Variants in REPS2 observed in about 807,000 individuals in gnomAD.
REPS2 encodes ralBP1-associated Eps domain-containing protein 2.
A neutral mutation model predicts 53.6 loss-of-function variants in REPS2; 23 were observed. The ratio of observed to expected loss-of-function variants is 0.43; its 90% CI spans 0.31 to 0.61. REPS2 has a LOEUF of 0.61. REPS2 is among the 20% of genes least tolerant of loss of function. The pLI is 0.11. For missense variants in REPS2, 446 were observed against 534.9 expected, an observed-to-expected ratio of 0.83 and a Z score of 1.64; for synonymous variants, 238 against 218.6, an observed-to-expected ratio of 1.09 and a Z score of -0.78.
In REPS2 at chrX:16,946,893, C is replaced by T; in HGVS notation, c.32C>T (p.Ala11Val). Reference protein sequence around the residue: MEAAAAAAAAAAAAAAAGGGC... With the variant: MEAAAAAAAAVAAAAAAGGGC... ...GCGGCAGCGGCGGCGGCGGCGGCGGCAGCGGCAGCGGCAGCGGCGGGCGGG... is the reference window on the plus strand; with the variant it reads ...GCGGCAGCGGCGGCGGCGGCGGCGGTAGCGGCAGCGGCAGCGGCGGGCGGG... The change falls in exon 1 of 18, where the codon GCA becomes GTA. Residue 11 changes from alanine to valine, a missense_variant. Transcript: ENST00000357277. The T allele has an allele frequency of 7.8e-6, 6 of 773,525 alleles. No individual in the cohort carries two copies. The highest frequency in any genetic ancestry group is 9.2e-6 in the Non-Finnish European group (6 of 655,040). The allele number at this position is 773,525 out of a possible 1,213,427, so 63.7% of individuals were successfully genotyped here. A position where few individuals can be genotyped will look rare whatever the true frequency, so the allele number is the denominator to read the frequency against.
intron 1 of REPS2, among the ~76,000 whole-genome samples, chrX:16,962,683 G>A (rs1202667398): frequency 8.9e-6 from 1 of 111,852 alleles, no homozygotes; most frequent in Admixed American, 9.5e-5. Flanking sequence ...TCCCCACAAA[G>A]GTAACTATGG....
At chrX:17,050,317 G>A (rs1250468146) in intron 6 of REPS2, among the ~76,000 whole-genome samples, 1 of 101,927 alleles carries the variant, frequency 9.8e-6, no homozygotes, top group African/African-American at 3.7e-5. Context: ...AGCCTCCCTA[G>A]TAGCTGGGAC....
chrX:16,991,886 A>T (rs1404653029), intron 1 of REPS2, among the ~76,000 whole-genome samples: 1 of 111,278 alleles, frequency 9.0e-6, no homozygotes, highest in African/African-American at 3.3e-5. Flanking sequence ...CATGGAGCTG[A>T]TTCTCCCTCA....
At chrX:17,077,230 C>T (rs904579926) in intron 12 of REPS2, 41 bp from the exon 13 acceptor site, 2 of 1,132,756 alleles carry the variant, frequency 1.8e-6, no homozygotes, top group Admixed American at 5.9e-5. Flanking sequence ...GAGAGTAAAG[C>T]TTTGCTATTT....
chrX:17,129,795 A>G (rs979603680), intron 14 of REPS2, among the ~76,000 whole-genome samples: 1 of 111,992 alleles, frequency 8.9e-6, no homozygotes, highest in African/African-American at 3.2e-5. Flanking sequence ...ATCTCCTTGG[A>G]TATTTCCACA....
At position 16,975,478 on chromosome X, in the gene REPS2, G is replaced by GT. The variant is rs1348713663; in HGVS notation, c.273+28353dup. ...TTCTCTAATGATCAGTGATGTTGTGGTTTTTTTTTCATCTGCTCGTTAGCC... is the reference window on the plus strand; with the variant it reads ...TTCTCTAATGATCAGTGATGTTGTGGTTTTTTTTTTCATCTGCTCGTTAGCC... On this transcript the variant is annotated intron_variant, in intron 1 of 17. Transcript: ENST00000357277. Among the ~76,000 whole-genome samples the GT allele has an allele frequency of 8.2e-5, 9 of 109,095 alleles. No individual in the cohort carries two copies. In the East Asian group the frequency reaches 1.7e-3, roughly 21 times the overall value. 94.7% of individuals were successfully genotyped at this position (109,095 alleles called of 115,157 possible).
At chrX:16,968,391 G>T (rs2060806489) in intron 1 of REPS2, among the ~76,000 whole-genome samples, 1 of 112,005 alleles carries the variant, frequency 8.9e-6, no homozygotes, top group African/African-American at 3.2e-5. Flanking sequence ...CCGGGCAGAG[G>T]GGCTCCTCAC....
chrX:17,128,040 A>C (rs1012264397), intron 14 of REPS2, among the ~76,000 whole-genome samples: 3 of 111,694 alleles, frequency 2.7e-5, no homozygotes, highest in Non-Finnish European at 5.6e-5. Flanking sequence ...AGAGTGAGAG[A>C]TAGAGATAGA....
chrX:17,078,256 A>G (rs1353032267), intron 13 of REPS2, among the ~76,000 whole-genome samples: 1 of 112,250 alleles, frequency 8.9e-6, no homozygotes, highest in Non-Finnish European at 1.9e-5. Flanking sequence ...ATTTTAAATC[A>G]GGCCAGCCTC....
At chrX:17,077,768 G>A (rs2062402056) in intron 13 of REPS2, among the ~76,000 whole-genome samples, 1 of 112,607 alleles carries the variant, frequency 8.9e-6, no homozygotes, top group South Asian at 3.6e-4. Flanking sequence ...TTCCTCAGAT[G>A]CCTGTGTGGT....
intron 8 of REPS2, 113 bp from the exon 9 acceptor site, chrX:17,062,325 C>G: frequency 1.9e-6 from 1 of 527,836 alleles, no homozygotes; most frequent in South Asian, 3.0e-5. Flanking sequence ...TGTGGTCTAT[C>G]AGAGCTAGCT....
chrX:17,034,086 TAAAAAG>T lies in REPS2; in HGVS notation c.771+4471_771+4476del, dbSNP rs2061738649. The stretch of plus-strand genomic sequence containing the variant: ...CGATGTTTCCTTTTTTTTTCATTCT[TAAAAAG>T]AAAAAGATCTATTGCTTGTCAGCTC... On this transcript the variant is annotated intron_variant, in intron 5 of 17. Coordinates refer to ENST00000357277, the MANE Select transcript of REPS2 (RefSeq NM_004726.3). Among the ~76,000 whole-genome samples the T allele has an allele frequency of 2.7e-5, 3 of 111,919 alleles. No homozygotes were observed. The South Asian group carries it at 1.1e-3, about 42-fold the overall frequency.
intron 5 of REPS2, among the ~76,000 whole-genome samples, chrX:17,036,673 G>A (rs1406484768): frequency 9.0e-6 from 1 of 111,577 alleles, no homozygotes; most frequent in Non-Finnish European, 1.9e-5. Context: ...TAGTTTATGG[G>A]TAGAGATTAG....
chrX:17,124,301 T>C (rs1241105769), intron 14 of REPS2, among the ~76,000 whole-genome samples: 1 of 112,447 alleles, frequency 8.9e-6, no homozygotes, highest in African/African-American at 3.2e-5. Flanking sequence ...TTTGCTGGCA[T>C]GCAGCTTAGG....
intron 11 of REPS2, among the ~76,000 whole-genome samples, chrX:17,073,170 A>G (rs1027897447): frequency 1.8e-5 from 2 of 112,430 alleles, no homozygotes; most frequent in South Asian, 7.4e-4. Flanking sequence ...TCTTTGGAGC[A>G]ATGTAAAAGA....
At position 16,980,808 on chromosome X, in the gene REPS2, G is replaced by A. The variant is rs373914083; in HGVS notation, c.274-25413G>A. On this transcript the variant is annotated intron_variant, in intron 1 of 17. Coordinates refer to ENST00000357277, the MANE Select transcript of REPS2 (RefSeq NM_004726.3). The stretch of plus-strand genomic sequence containing the variant: ...TGCCAAAGCGTCCATGGCACAGGAC[G>A]TTAAGAACCCTGTTCCAAATGGAAT... Among the ~76,000 whole-genome samples the A allele has an allele frequency of 1.8e-4, 20 of 112,285 alleles. No homozygotes were observed. The East Asian group carries it at 2.0e-3, about 11-fold the overall frequency.
chrX:16,972,055 A>G (rs1361905492), intron 1 of REPS2, among the ~76,000 whole-genome samples: 3 of 112,268 alleles, frequency 2.7e-5, no homozygotes, highest in Non-Finnish European at 5.6e-5. Context: ...TCAAATAGTT[A>G]GAAGGTGGGG....
chrX:17,141,072 G>A (rs765948756), intron 17 of REPS2, among the ~76,000 whole-genome samples: 127 of 111,757 alleles, frequency 1.1e-3, no homozygotes, highest in East Asian at 4.8e-3. Flanking sequence ...GCCAGCGCAC[G>A]CACAAACCTT....
At chrX:16,983,392 A>G (rs2061045824) in intron 1 of REPS2, among the ~76,000 whole-genome samples, 1 of 112,372 alleles carries the variant, frequency 8.9e-6, no homozygotes, top group Non-Finnish European at 1.9e-5. Context: ...CCTTTAAAAA[A>G]GGGGGAGAAC....
Sources: allele counts gnomAD v4.1 joint callset (sites outside exome capture counted in the v4.1 genomes callset), GRCh38; gene constraint gnomAD v4.1.1; transcripts MANE v1.5; gene names NCBI Gene and HGNC (gene_info 2026-07-23, HGNC 2026-07-21).